Variants in ARHGDIG observed in about 807,000 individuals in gnomAD.
ARHGDIG encodes rho GDP-dissociation inhibitor 3.
A neutral mutation model predicts 20.2 loss-of-function variants in ARHGDIG; 14 were observed. The observed-to-expected ratio is 0.69, with a 90% CI of 0.46 to 1.08. The LOEUF (loss-of-function observed/expected upper bound fraction) is 1.08, where lower values mean the gene tolerates loss of function less well. Among genes scored for constraint, ARHGDIG ranks in the 50% least tolerant of loss-of-function variants. ARHGDIG has a pLI of 0.00. For missense variants in ARHGDIG, 311 were observed against 301.8 expected, an observed-to-expected ratio of 1.03 and a Z score of -0.23; for synonymous variants, 193 against 138.6, an observed-to-expected ratio of 1.39 and a Z score of -2.76.
chr16:281,685 C>T (rs1008720034), intron 1 of ARHGDIG, 61 bp from the exon 2 acceptor site: 1 of 1,488,072 alleles, frequency 6.7e-7, no homozygotes, highest in African/African-American at 1.4e-5. Context: ...GGGGCTCCAG[C>T]CTGGTGCTCG....
chr16:282,558 C>CGGGGGGGGGGAGAGGGGGG, intron 5 of ARHGDIG, 28 bp downstream of exon 5: 2 of 1,310,076 alleles, frequency 1.5e-6, no homozygotes, highest in Admixed American at 2.5e-5. Context: ...GGGAACGGGG[C>CGGGGGGGGGGAGAGGGGGG]GGGGGGGGGA....
chr16:280,851 C>T lies in ARHGDIG; in HGVS notation c.73+98C>T, dbSNP rs1284457106. On this transcript the variant is annotated intron_variant, in intron 1 of 5. Coordinates refer to ENST00000219409, the MANE Select transcript of ARHGDIG (RefSeq NM_001176.4). This position sits in a 1 kb window ranked among gnomAD's most constrained non-coding sequence, Gnocchi z 6.6. The stretch of plus-strand genomic sequence containing the variant: ...GCAACTTTGGGGGCGCGCATGGGGA[C>T]CTCGCGGCGCCGACCCCCCGGCTGG... The T allele has an allele frequency of 4.1e-6, 3 of 728,562 alleles. No individual in the cohort carries two copies. The highest frequency in any genetic ancestry group is 5.9e-5 in the East Asian group (1 of 16,830). 45.1% of individuals were successfully genotyped at this position (728,562 alleles called of 1,614,324 possible).
rs115646977 is a variant in ARHGDIG at position 282,117 on chromosome 16, C to T, written c.337+9C>T. 8.8e-4 allele frequency: 1,419 copies of T among 1,612,816 alleles called. 11 individuals carry two copies. The African/African-American group carries it at 0.016, about 18-fold the overall frequency. On this transcript the variant is annotated intron_variant, in intron 3 of 5. Transcript: ENST00000219409. Reference sequence around the variant, plus strand: ...CGTCATGGATCTCACAGGTAACTCGCAGGATGCTGCACCCTGAACACAGGT... The same window carrying T: ...CGTCATGGATCTCACAGGTAACTCGTAGGATGCTGCACCCTGAACACAGGT...
chr16:282,804 G>A lies in ARHGDIG; in HGVS notation c.668G>A (p.Trp223Ter). The A allele has an allele frequency of 6.2e-7, 1 of 1,602,594 alleles. No individual in the cohort carries two copies. The highest frequency in any genetic ancestry group is 8.5e-7 in the Non-Finnish European group (1 of 1,176,570). The change falls in exon 6 of 6, where the codon TGG becomes TAG. Residue 223 changes from tryptophan (W) to a stop codon, truncating the protein, a stop_gained. Coordinates refer to ENST00000219409, the MANE Select transcript of ARHGDIG (RefSeq NM_001176.4). LOFTEE classifies it high-confidence loss of function. Reference protein sequence around the residue: ...WEWGLCICQDWKD With the variant: ...WEWGLCICQD ...TGGGGTCTCTGCATCTGCCAGGACTGGAAGGACTGAACCCCCAGTCCGTGT... is the reference window on the plus strand; with the variant it reads ...TGGGGTCTCTGCATCTGCCAGGACTAGAAGGACTGAACCCCCAGTCCGTGT...
intron 2 of ARHGDIG, 47 bp from the exon 3 acceptor site, chr16:281,978 C>G (rs772037051): frequency 3.1e-6 from 5 of 1,596,850 alleles, no homozygotes; most frequent in Non-Finnish European, 4.3e-6. Flanking sequence ...TGGTGAGGAG[C>G]CTGGTGGGGG....
In ARHGDIG at chr16:282,936, G is replaced by C. The variant is rs1349448868; in HGVS notation, c.*122G>C. On this transcript the variant is annotated 3_prime_UTR_variant, in exon 6 of 6. Transcript: ENST00000219409. The stretch of plus-strand genomic sequence containing the variant: ...TGCCCCTGCTGCCCCTGCTGCCCCT[G>C]CTCTGTCCCGGGACCCCCTGGCCTG... 2 of 1,098,004 alleles carry C rather than the reference G, an allele frequency of 1.8e-6. No homozygotes were observed. Among genetic ancestry groups the C allele is most frequent in the Non-Finnish European group, 2.4e-6 (2 of 822,578 alleles). The allele number at this position is 1,098,004 out of a possible 1,614,324, so 68.0% of individuals were successfully genotyped here.
rs146858509 is a variant in ARHGDIG, at chr16:282,529, C to A, written c.477C>A (p.Arg159=). The A allele has an allele frequency of 4.1e-6, 3 of 739,870 alleles. No individual in the cohort carries two copies. Among genetic ancestry groups the A allele is most frequent in the Non-Finnish European group, 5.3e-6 (3 of 570,118 alleles). 45.8% of individuals were successfully genotyped at this position (739,870 alleles called of 1,614,324 possible). The change falls in exon 5 of 6, where the codon CGC becomes CGA. Residue 159 remains arginine (R), a splice_region_variant and synonymous_variant. Coordinates refer to ENST00000219409, the MANE Select transcript of ARHGDIG (RefSeq NM_001176.4). The part of the protein sequence containing the change: ...CLHHTYRRGL[R]VDKTVYMVGS... ...ACCACACCTACCGCCGGGGCCTGCG[C>A]GGTGAGGGCAGCGGTGGGGGGAACG...
In ARHGDIG at chr16:281,820, G is replaced by A; in HGVS notation, c.148G>A (p.Ala50Thr). The change falls in exon 2 of 6, where the codon GCG (alanine) becomes ACG (threonine). Residue 50 changes from alanine to threonine, a missense_variant. Ala to Thr is a moderately conservative substitution (Grantham distance 58). Coordinates refer to ENST00000219409, the MANE Select transcript of ARHGDIG (RefSeq NM_001176.4). ...GGATGAGGCTGTGCCCGAGTACCGG[G>A]CGCCGGGGAGGAAGAGCCTCTTGGA... ...VLDEAVPEYR[A>T]PGRKSLLEIR... 2 of 1,611,950 alleles carry A rather than the reference G, an allele frequency of 1.2e-6. No homozygotes were observed. Among genetic ancestry groups the A allele is most frequent in the Non-Finnish European group, 1.7e-6 (2 of 1,179,756 alleles).
intron 5 of ARHGDIG, 37 bp from the exon 6 acceptor site, chr16:282,578 A>G: frequency 6.4e-7 from 1 of 1,559,442 alleles, no homozygotes; most frequent in East Asian, 2.3e-5. Context: ...AAGCGGGGGC[A>G]GACAGAGGAC....
intron 1 of ARHGDIG, 27 bp from the exon 2 acceptor site, chr16:281,719 G>A: frequency 6.5e-7 from 1 of 1,539,214 alleles, no homozygotes; most frequent in Non-Finnish European, 8.8e-7. Flanking sequence ...GCTAGTGGCT[G>A]CTGCTCACGC....
At position 281,934 on chromosome 16, in the gene ARHGDIG, G is replaced by A; in HGVS notation, c.253+9G>A. 1.2e-6 allele frequency: 2 copies of A among 1,603,664 alleles called. No individual in the cohort carries two copies. Among genetic ancestry groups the A allele is most frequent in the Admixed American group, 3.3e-5 (2 of 59,902 alleles). ...CCTGCCACCGGCCGTGGGTATGGCA[G>A]GGGTCTAGGCTTGGAGGGCTGGGTC... On this transcript the variant is annotated intron_variant, in intron 2 of 5. Coordinates refer to ENST00000219409, the MANE Select transcript of ARHGDIG (RefSeq NM_001176.4).
intron 1 of ARHGDIG, 38 bp from the exon 2 acceptor site, chr16:281,708 C>G: frequency 6.6e-7 from 1 of 1,523,076 alleles, no homozygotes; most frequent in South Asian, 1.2e-5. Context: ...TGCCAGGGTC[C>G]GCTAGTGGCT....
chr16:282,103 T>A lies in ARHGDIG; in HGVS notation c.332T>A (p.Leu111His). The A allele has an allele frequency of 6.2e-7, 1 of 1,612,854 alleles. No individual in the cohort carries two copies. The highest frequency in any genetic ancestry group is 8.5e-7 in the Non-Finnish European group (1 of 1,179,926). Residue 111 changes from leucine (L) to histidine (H), a missense_variant, in exon 3 of 6, where the codon CTC becomes CAC. Leu to His is a moderately conservative substitution (Grantham distance 99). Coordinates refer to ENST00000219409, the MANE Select transcript of ARHGDIG (RefSeq NM_001176.4). The stretch of plus-strand genomic sequence containing the variant: ...GCTCCGGGGCCCGTCGTCATGGATC[T>A]CACAGGTAACTCGCAGGATGCTGCA... ...EQAPGPVVMD[L>H]TGDLAVLKDQ...
At position 282,662 on chromosome 16, in the gene ARHGDIG, G is replaced by A; in HGVS notation, c.526G>A (p.Glu176Lys). ...GGGCAGCTATGGCCCGAGCGCCCAG[G>A]AGTATGAGTTTGTGACTCCGGTGGA... is the stretch of plus-strand genomic sequence containing the variant. The part of the protein sequence containing the change: ...MVGSYGPSAQ[E>K]YEFVTPVEEA... Residue 176 changes from glutamate (E) to lysine (K), a missense_variant, in exon 6 of 6, where the codon GAG (glutamate) becomes AAG (lysine). By Grantham distance (56) the Glu-to-Lys change is moderately conservative (BLOSUM62 1). Coordinates refer to ENST00000219409, the MANE Select transcript of ARHGDIG (RefSeq NM_001176.4). 6.2e-7 allele frequency: 1 copy of A among 1,601,482 alleles called. No individual in the cohort carries two copies. The highest frequency in any genetic ancestry group is 8.5e-7 in the Non-Finnish European group (1 of 1,173,794).
chr16:281,709 G>C (rs1437898195), intron 1 of ARHGDIG, 37 bp from the exon 2 acceptor site: 1 of 1,525,736 alleles, frequency 6.6e-7, no homozygotes, highest in Non-Finnish European at 8.8e-7. Context: ...GCCAGGGTCC[G>C]CTAGTGGCTG....
At chr16:281,713 G>A (rs1371731549) in intron 1 of ARHGDIG, 33 bp from the exon 2 acceptor site, 1 of 1,532,178 alleles carries the variant, frequency 6.5e-7, no homozygotes, top group Non-Finnish European at 8.8e-7. Flanking sequence ...GGGTCCGCTA[G>A]TGGCTGCTGC....
At chr16:282,558 C>CGGGGGGGGGGGAGGGGGG in intron 5 of ARHGDIG, 28 bp downstream of exon 5, 2 of 1,310,078 alleles carry the variant, frequency 1.5e-6, no homozygotes, top group Admixed American at 2.5e-5. Flanking sequence ...GGGAACGGGG[C>CGGGGGGGGGGGAGGGGGG]GGGGGGGGGA....
Position 282,500 on chromosome 16 carries a change from C to G in ARHGDIG, c.448C>G (p.Leu150Val), listed in dbSNP as rs1371344808. Reference sequence around the variant, plus strand: ...GGAGATTGTCAGCGGCCTCAAGTGTCTGCACCACACCTACCGCCGGGGCCT... The same window carrying G: ...GGAGATTGTCAGCGGCCTCAAGTGTGTGCACCACACCTACCGCCGGGGCCT... ...HREIVSGLKC[L>V]HHTYRRGLRV... Residue 150 changes from leucine to valine, a missense_variant, in exon 5 of 6, where the codon CTG (leucine) becomes GTG (valine). Coordinates refer to ENST00000219409, the MANE Select transcript of ARHGDIG (RefSeq NM_001176.4). 6.9e-6 allele frequency: 11 copies of G among 1,602,144 alleles called. No homozygotes were observed. The highest frequency in any genetic ancestry group is 3.5e-4 in the Middle Eastern group (2 of 5,668).
intron 1 of ARHGDIG, chr16:281,490 G>A: frequency 2.2e-6 from 1 of 459,698 alleles, no homozygotes. Context: ...TCAGGGAGGG[G>A]GCCCTTGTGG....
Sources: gnomAD v4.1 joint callset for allele counts on GRCh38, gnomAD v4.1.1 for gene constraint, Gnocchi (gnomAD v3.1) non-coding constraint, MANE v1.5 for transcripts, NCBI Gene and HGNC (gene_info 2026-07-23, HGNC 2026-07-21) for gene names.